The following HSF2BP variants were observed in gnomAD, a reference collection of about 807,000 sequenced individuals.
The protein encoded by HSF2BP is heat shock transcription factor 2 binding protein, also known as heat shock factor 2-binding protein.
HSF2BP carries 35 observed loss-of-function variants against 35.0 expected under a neutral mutation model. That is an observed-to-expected ratio of 1.00 (90% CI 0.76 to 1.32). The LOEUF (loss-of-function observed/expected upper bound fraction) is 1.32, where lower values mean the gene tolerates loss of function less well. Ranked by LOEUF, HSF2BP falls within the 40% of genes most tolerant of loss-of-function variation. The pLI is 0.00. For missense variants in HSF2BP, 326 were observed against 321.7 expected, an observed-to-expected ratio of 1.01 and a Z score of -0.10; for synonymous variants, 114 against 117.4, an observed-to-expected ratio of 0.97 and a Z score of 0.18.
chr21:43,605,394 A>C (rs2082120641), intron 7 of HSF2BP, among the ~76,000 whole-genome samples: 1 of 133,216 alleles, frequency 7.5e-6, no homozygotes, highest in Non-Finnish European at 1.6e-5. Context: ...CCACACACAC[A>C]CCACACATTC....
rs2082680511 is a variant in HSF2BP at position 43,644,333 on chromosome 21, C to A, written c.247G>T (p.Ala83Ser). Residue 83 changes from alanine to serine, a missense_variant, in exon 4 of 9, where the codon GCC becomes TCC. Coordinates refer to ENST00000291560, the MANE Select transcript of HSF2BP (RefSeq NM_007031.2). ...TCGGCCTGCACGGTTTCCAGGCGGGCTTTAAAGTGCTCACAATCCATTTTC... is the reference window on the plus strand; with the variant it reads ...TCGGCCTGCACGGTTTCCAGGCGGGATTTAAAGTGCTCACAATCCATTTTC... The part of the protein sequence containing the change: ...QLKMDCEHFK[A>S]RLETVQADNI... 3.7e-6 allele frequency: 6 copies of A among 1,614,168 alleles called. No individual in the cohort carries two copies. Among genetic ancestry groups the A allele is most frequent in the Non-Finnish European group, 5.1e-6 (6 of 1,180,008 alleles).
At chr21:43,652,860 G>A (rs1394333031) in intron 3 of HSF2BP, among the ~76,000 whole-genome samples, 4 of 152,046 alleles carry the variant, frequency 2.6e-5, no homozygotes, top group Non-Finnish European at 5.9e-5. Flanking sequence ...ATCAGGCCAG[G>A]CGCAGTGGCT....
intron 7 of HSF2BP, among the ~76,000 whole-genome samples, chr21:43,599,131 G>A (rs2082021936): frequency 2.6e-5 from 4 of 152,208 alleles, no homozygotes; most frequent in Non-Finnish European, 5.9e-5. Flanking sequence ...GAAATTCTTT[G>A]CTGACTGCCA....
chr21:43,604,375 C>T (rs2082091402), intron 7 of HSF2BP, among the ~76,000 whole-genome samples: 1 of 142,130 alleles, frequency 7.0e-6, no homozygotes, highest in South Asian at 2.3e-4. Context: ...ACAGCACGCA[C>T]ACCACACACA....
intron 8 of HSF2BP, among the ~76,000 whole-genome samples, chr21:43,577,991 C>G (rs56209261): frequency 0.013 from 1,942 of 152,292 alleles, 41 homozygotes; most frequent in African/African-American, 0.043. Context: ...CCGCCTATCC[C>G]AAACCTATAA....
intron 3 of HSF2BP, among the ~76,000 whole-genome samples, chr21:43,655,451 G>A (rs938035213): frequency 7.9e-5 from 12 of 152,188 alleles, no homozygotes; most frequent in African/African-American, 2.9e-4. Context: ...CCAAGGGACA[G>A]CGAGGTACCC....
At chr21:43,637,373 A>G (rs2082577397) in intron 4 of HSF2BP, among the ~76,000 whole-genome samples, 1 of 152,342 alleles carries the variant, frequency 6.6e-6, no homozygotes, top group Admixed American at 6.5e-5. Context: ...AAAGAGACAG[A>G]AAGATCAGTG....
At position 43,658,048 on chromosome 21, in the gene HSF2BP, C is replaced by T. The variant is rs1350239323; in HGVS notation, c.36+13G>A. ...TCAAACACGCTGGCGTCGGCCAGGG[C>T]TTCCTCACTAACCCGGCAGGCCTCC... On this transcript the variant is annotated intron_variant, in intron 2 of 8. Transcript: ENST00000291560. 1.1e-5 allele frequency: 17 copies of T among 1,535,878 alleles called. No homozygotes were observed. Among genetic ancestry groups the T allele is most frequent in the East Asian group, 7.3e-5 (3 of 40,870 alleles).
intron 5 of HSF2BP, among the ~76,000 whole-genome samples, chr21:43,633,054 T>C (rs2082503559): frequency 1.3e-5 from 2 of 152,222 alleles, no homozygotes; most frequent in South Asian, 2.1e-4. Context: ...TGTCCACATA[T>C]ACCACAAGGT....
chr21:43,602,339 G>A (rs1441100112), intron 7 of HSF2BP, among the ~76,000 whole-genome samples: 1 of 152,168 alleles, frequency 6.6e-6, no homozygotes, highest in East Asian at 1.9e-4. Flanking sequence ...TTTGGAAAAC[G>A]GGAGCTTGTG....
At chr21:43,458,106 GC>G in the HSF2BP span, among the ~76,000 whole-genome samples, 4 of 101,722 alleles carry the variant, frequency 3.9e-5, 2 homozygotes, top group African/African-American at 1.4e-4. Flanking sequence ...TGGTCCCTGG[GC>G]CCCCGACTTC....
At chr21:43,654,927 G>A (rs1244478623) in intron 3 of HSF2BP, among the ~76,000 whole-genome samples, 1 of 152,154 alleles carries the variant, frequency 6.6e-6, no homozygotes, top group Admixed American at 6.5e-5. Flanking sequence ...GGAATAAGCA[G>A]GAATTGCCAG....
intron 8 of HSF2BP, among the ~76,000 whole-genome samples, chr21:43,578,461 G>C (rs1025229102): frequency 6.6e-6 from 1 of 152,040 alleles, no homozygotes; most frequent in African/African-American, 2.4e-5. Flanking sequence ...ATAAAGTTGG[G>C]GTTCTGTTAG....
intron 6 of HSF2BP, among the ~76,000 whole-genome samples, chr21:43,616,428 G>A (rs138575261): frequency 2.3e-3 from 345 of 152,286 alleles, no homozygotes; most frequent in African/African-American, 7.4e-3. Context: ...TGAATCACCT[G>A]AGGTCAGGAG....
chr21:43,587,166 T>C (rs1056206239), intron 8 of HSF2BP, among the ~76,000 whole-genome samples: 2 of 152,184 alleles, frequency 1.3e-5, no homozygotes, highest in East Asian at 1.9e-4. Context: ...CTAAAACACA[T>C]ATGAAATTCT....
At chr21:43,630,256 G>GT (rs1303454983) in intron 6 of HSF2BP, 66 bp downstream of exon 6, 10 of 1,394,814 alleles carry the variant, frequency 7.2e-6, no homozygotes, top group Non-Finnish European at 7.8e-6. Context: ...TATTATTGCA[G>GT]TATTTGCTTT....
rs957575234 is a variant in HSF2BP at position 43,653,880 on chromosome 21, A to G, written c.187+2707T>C. ...TTACTAGCGGACAGGTTTCATGCGGAGTAGTGAGGAAGAGAGACAGGTAAC... is the reference window on the plus strand; with the variant it reads ...TTACTAGCGGACAGGTTTCATGCGGGGTAGTGAGGAAGAGAGACAGGTAAC... On this transcript the variant is annotated intron_variant, in intron 3 of 8. Transcript: ENST00000291560. 5.3e-5 allele frequency among the ~76,000 whole-genome samples: 8 copies of G among 152,084 alleles called. 1 individual carries two copies. The highest frequency in any genetic ancestry group is 1.4e-4 in the African/African-American group (6 of 41,408).
chr21:43,615,064 T>C (rs1451803752), intron 6 of HSF2BP, among the ~76,000 whole-genome samples: 2 of 152,212 alleles, frequency 1.3e-5, no homozygotes, highest in South Asian at 2.1e-4. Flanking sequence ...ACTGGCTCCA[T>C]CAACATTTCC....
the HSF2BP span, among the ~76,000 whole-genome samples, chr21:43,505,972 T>C: frequency 7.6e-6 from 1 of 131,118 alleles, no homozygotes; most frequent in Non-Finnish European, 1.7e-5. Flanking sequence ...TTTCAGATCG[T>C]ACCAACCCTT....
Sources: allele counts gnomAD v4.1 joint callset (sites outside exome capture counted in the v4.1 genomes callset), GRCh38; gene constraint gnomAD v4.1.1; transcripts MANE v1.5; gene names NCBI Gene and HGNC (gene_info 2026-07-23, HGNC 2026-07-21).